The following KCTD2 variants were observed in gnomAD, a reference collection of about 807,000 sequenced individuals.
KCTD2 encodes the protein potassium channel tetramerization domain containing 2, also known as BTB/POZ domain-containing protein KCTD2.
In KCTD2, 18 loss-of-function variants were observed where a neutral mutation model predicts 27.9. The observed-to-expected ratio is 0.64, with a 90% CI of 0.45 to 0.96. The LOEUF is 0.96. KCTD2 is among the 40% of genes least tolerant of loss of function. The pLI, the probability that KCTD2 is intolerant of heterozygous loss-of-function variation, is 0.00. For missense variants in KCTD2, 280 were observed against 348.0 expected (o/e 0.80, Z 1.56); for synonymous variants, 175 against 148.4 (o/e 1.18, Z -1.30).
rs35875644 is a variant in KCTD2, at chr17:75,056,952, CTT to C, written c.541-2540_541-2539del. Among the ~76,000 whole-genome samples the C allele has an allele frequency of 1.4e-3, 150 of 108,002 alleles. 1 individual carries two copies. Among genetic ancestry groups the C allele is most frequent in the African/African-American group, 4.8e-3 (133 of 27,650 alleles). 70.9% of individuals were successfully genotyped at this position (108,002 alleles called of 152,430 possible). On this transcript the variant is annotated intron_variant, in intron 3 of 5. Transcript: ENST00000322444. ...CTCTGTTTCTTTTTTTTTCTTTTTTCTTTTTTTTTTTTTTTTTTTGGAGACAG... is the reference window on the plus strand; with the variant it reads ...CTCTGTTTCTTTTTTTTTCTTTTTTCTTTTTTTTTTTTTTTTTGGAGACAG...
At chr17:75,050,396 G>T (rs2073272243) in intron 2 of KCTD2, among the ~76,000 whole-genome samples, 1 of 151,914 alleles carries the variant, frequency 6.6e-6, no homozygotes, top group Admixed American at 6.6e-5. Context: ...CAAGTAGCTG[G>T]GATTACAGGC....
intron 3 of KCTD2, chr17:75,038,858 A>G: frequency 2.0e-6 from 3 of 1,498,998 alleles, no homozygotes; most frequent in Non-Finnish European, 2.7e-6. Context: ...AAGCACACCC[A>G]GAACTGTATA....
chr17:75,034,463 G>A (rs902556672), intron 2 of KCTD2, among the ~76,000 whole-genome samples: 5 of 152,174 alleles, frequency 3.3e-5, no homozygotes, highest in Non-Finnish European at 5.9e-5. Flanking sequence ...CACAATCCCT[G>A]GCTTAGGAGG....
At position 75,047,250 on chromosome 17, in the gene KCTD2, G is replaced by C; in HGVS notation, c.-1G>C. ...AGCAGCGGTGGCGGCGGCGGTCCAA[G>C]ATGGCGGAACTGCAGCTGGACCCGG... On this transcript the variant is annotated 5_prime_UTR_variant, in exon 1 of 6. Coordinates refer to ENST00000322444, the MANE Select transcript of KCTD2 (RefSeq NM_015353.3). 1 of 884,578 alleles carries C rather than the reference G, an allele frequency of 1.1e-6. No individual in the cohort carries two copies. The highest frequency in any genetic ancestry group is 1.4e-6 in the Non-Finnish European group (1 of 706,690). 54.8% of individuals were successfully genotyped at this position (884,578 alleles called of 1,614,324 possible).
chr17:75,047,627 A>AC (rs774858538), intron 1 of KCTD2, 38 bp downstream of exon 1: 3 of 1,576,528 alleles, frequency 1.9e-6, no homozygotes, highest in Admixed American at 1.8e-5. Flanking sequence ...GGGCCTTCGA[A>AC]CCCCCTGGTT....
intron 3 of KCTD2, chr17:75,035,995 G>A: frequency 2.2e-6 from 1 of 451,266 alleles, no homozygotes; most frequent in Non-Finnish European, 4.5e-6. Context: ...GAGGGTGTCA[G>A]GATGCATGTG....
chr17:75,051,643 C>G (rs1396905287), intron 2 of KCTD2, among the ~76,000 whole-genome samples: 4 of 151,748 alleles, frequency 2.6e-5, no homozygotes, highest in African/African-American at 9.7e-5. Flanking sequence ...CCTCCCTACC[C>G]CCATCCTCTT....
intron 5 of KCTD2, 128 bp from the exon 6 acceptor site, chr17:75,062,890 T>A: frequency 1.1e-6 from 1 of 935,926 alleles, no homozygotes; most frequent in Non-Finnish European, 1.7e-6. Context: ...AGGCTGCGGC[T>A]GCACCCCTGC....
At position 75,037,528 on chromosome 17, in the gene KCTD2, A is replaced by C. The variant is rs575090034; in HGVS notation, c.-259+2171A>C. Among the ~76,000 whole-genome samples the C allele has an allele frequency of 3.3e-5, 5 of 152,286 alleles. No individual in the cohort carries two copies. In the South Asian group the frequency reaches 1.0e-3, roughly 32 times the overall value. ...AATCCTGATATTTGTAAATGAGAAAATTAAATTCTCAAGACAGTAAACAAT... is the reference window on the plus strand; with the variant it reads ...AATCCTGATATTTGTAAATGAGAAACTTAAATTCTCAAGACAGTAAACAAT... On this transcript the variant is annotated intron_variant, in intron 3 of 7. Transcript: ENST00000581589.
At chr17:75,037,515 TG>T (rs1192968998) in intron 3 of KCTD2, among the ~76,000 whole-genome samples, 9 of 152,216 alleles carry the variant, frequency 5.9e-5, no homozygotes, top group Admixed American at 5.9e-4. Flanking sequence ...TCCTGATATT[TG>T]TAAATGAGAA....
chr17:75,035,736 A>G (rs1003090447), intron 3 of KCTD2, among the ~76,000 whole-genome samples: 1 of 152,160 alleles, frequency 6.6e-6, no homozygotes, highest in African/African-American at 2.4e-5. Context: ...AGGCGGAGGC[A>G]GCAGGAGAAT....
intron 3 of KCTD2, among the ~76,000 whole-genome samples, 193 bp downstream of exon 3, chr17:75,053,298 A>G (rs568508913): frequency 1.3e-5 from 2 of 152,312 alleles, no homozygotes; most frequent in Non-Finnish European, 2.9e-5. Context: ...GAATAGGCCT[A>G]TGTCCCAATA....
chr17:75,048,510 A>G (rs1166897392), intron 1 of KCTD2, among the ~76,000 whole-genome samples: 1 of 152,188 alleles, frequency 6.6e-6, no homozygotes, highest in African/African-American at 2.4e-5. Context: ...ATGGAAACCT[A>G]TCCTGCCCTA....
chr17:75,057,741 AG>A (rs1361409933), intron 3 of KCTD2, among the ~76,000 whole-genome samples: 1 of 151,642 alleles, frequency 6.6e-6, no homozygotes, highest in East Asian at 2.0e-4. Context: ...TTGTGTTTTT[AG>A]TAGAGATGGG....
intron 2 of KCTD2, among the ~76,000 whole-genome samples, chr17:75,051,363 C>CGACATCCA (rs1414978987): frequency 1.4e-5 from 2 of 143,200 alleles, no homozygotes; most frequent in African/African-American, 5.3e-5. Context: ...CAGCTCACTG[C>CGACATCCA]GACATCCACC....
intron 3 of KCTD2, among the ~76,000 whole-genome samples, chr17:75,037,910 G>A (rs985770423): frequency 4.0e-5 from 6 of 151,818 alleles, no homozygotes; most frequent in African/African-American, 4.8e-5. Context: ...TTAGCCGGGC[G>A]TGATGGCGGG....
chr17:75,042,457 G>A (rs2073171019), upstream of KCTD2: 4 of 1,569,342 alleles, frequency 2.5e-6, no homozygotes, highest in Admixed American at 3.9e-5. Context: ...GAATTCATAT[G>A]TAATTCCTTA....
chr17:75,051,277 CTTTTT>C (rs35794705), intron 2 of KCTD2, among the ~76,000 whole-genome samples: 2 of 64,584 alleles, frequency 3.1e-5, no homozygotes, highest in African/African-American at 6.7e-5. Context: ...CGCGCCCGAC[CTTTTT>C]TTTTTTTTTT....
At chr17:75,046,752 G>A (rs1438453657), upstream of KCTD2, among the ~76,000 whole-genome samples, 4 of 152,238 alleles carry the variant, frequency 2.6e-5, no homozygotes, top group African/African-American at 7.2e-5. Context: ...GAGGGCTGAG[G>A]AAGGGATCGC....
Sources: gnomAD v4.1 joint callset for allele counts (sites outside exome capture counted in the v4.1 genomes callset) on GRCh38, gnomAD v4.1.1 for gene constraint, MANE v1.5 for transcripts, NCBI Gene and HGNC (gene_info 2026-07-23, HGNC 2026-07-21) for gene names.